The following MANEA variants were observed in gnomAD, a reference collection of about 807,000 sequenced individuals.
MANEA encodes the protein mannosidase endo-alpha.
In MANEA, 25 loss-of-function variants were observed where a neutral mutation model predicts 36.8. The observed-to-expected ratio is 0.68, with a 90% CI of 0.50 to 0.95. MANEA has a LOEUF of 0.95. MANEA is among the 40% of genes least tolerant of loss of function. MANEA has a pLI of 0.00. For missense variants in MANEA, 565 were observed against 558.8 expected (o/e 1.01, Z -0.11); for synonymous variants, 198 against 188.5 (o/e 1.05, Z -0.41).
rs916648845 is a variant in MANEA at position 95,608,016 on chromosome 6, T to G, written c.*1611T>G. On this transcript the variant is annotated 3_prime_UTR_variant, in exon 5 of 5. Transcript: ENST00000358812. Reference sequence around the variant, plus strand: ...TATTAATGTTTAATTTATTTAAAATTTTGGAATTTGCCATTTCTCAGAGAA... The same window carrying G: ...TATTAATGTTTAATTTATTTAAAATGTTGGAATTTGCCATTTCTCAGAGAA... 2.6e-5 allele frequency: 4 copies of G among 151,804 alleles called. No homozygotes were observed. The highest frequency in any genetic ancestry group is 5.9e-5 in the Non-Finnish European group (4 of 67,800). The allele number at this position is 151,804 out of a possible 1,614,324, so 9.4% of individuals were successfully genotyped here. A position where few individuals can be genotyped will look rare whatever the true frequency, so the allele number is the denominator to read the frequency against.
chr6:95,591,391 C>T (rs1769382897), intron 2 of MANEA, among the ~76,000 whole-genome samples: 2 of 151,822 alleles, frequency 1.3e-5, no homozygotes, highest in Admixed American at 1.3e-4. Flanking sequence ...AAATGTATTC[C>T]ATTTCTTTTT....
intron 1 of MANEA, among the ~76,000 whole-genome samples, chr6:95,579,062 G>A (rs1183119092): frequency 6.6e-6 from 1 of 152,094 alleles, no homozygotes; most frequent in African/African-American, 2.4e-5. Flanking sequence ...TTCATCATTT[G>A]TAAAATGAGG....
At chr6:95,592,506 T>C (rs1769402746) in intron 2 of MANEA, among the ~76,000 whole-genome samples, 2 of 152,170 alleles carry the variant, frequency 1.3e-5, no homozygotes, top group South Asian at 4.1e-4. Context: ...TCACCCTGGG[T>C]AAGATAGTGA....
intron 3 of MANEA, among the ~76,000 whole-genome samples, chr6:95,603,810 C>T (rs1235232018): frequency 6.6e-6 from 1 of 151,816 alleles, no homozygotes; most frequent in Non-Finnish European, 1.5e-5. Flanking sequence ...AATCCTCATT[C>T]TTTGTTTTAT....
chr6:95,580,355 G>T (rs1174622326), intron 1 of MANEA, among the ~76,000 whole-genome samples: 1 of 152,106 alleles, frequency 6.6e-6, no homozygotes. Flanking sequence ...TGAAGATAAA[G>T]ACTCCATTTC....
chr6:95,602,391 AT>A (rs1231944766), intron 3 of MANEA, among the ~76,000 whole-genome samples: 2 of 152,164 alleles, frequency 1.3e-5, no homozygotes, highest in African/African-American at 4.8e-5. Flanking sequence ...ACCTACCTCA[AT>A]TTTGTTGTGG....
Position 95,586,559 on chromosome 6 carries a change from T to C in MANEA, c.120T>C (p.Phe40=). 1 of 1,614,074 alleles carries C rather than the reference T, an allele frequency of 6.2e-7. No homozygotes were observed. Among genetic ancestry groups the C allele is most frequent in the Non-Finnish European group, 8.5e-7 (1 of 1,179,988 alleles). ...RPNTATFGAP[F]GLDLLPELHQ... is the part of the protein sequence containing the mutation. Reference sequence around the variant, plus strand: ...ATACAGCTACTTTTGGAGCTCCTTTTGGACTTGACCTTCTTCCAGAACTTC... The same window carrying C: ...ATACAGCTACTTTTGGAGCTCCTTTCGGACTTGACCTTCTTCCAGAACTTC... The change falls in exon 2 of 5, where the codon TTT becomes TTC. Residue 40 remains phenylalanine (F), a synonymous_variant. Coordinates refer to ENST00000358812, the MANE Select transcript of MANEA (RefSeq NM_024641.4).
chr6:95,598,728 C>T (rs1309040655), intron 3 of MANEA, among the ~76,000 whole-genome samples: 5 of 151,972 alleles, frequency 3.3e-5, no homozygotes, highest in Non-Finnish European at 4.4e-5. Context: ...GAATGGCAAC[C>T]ACAGAAAACT....
At chr6:95,582,015 ATAG>A (rs1467829740) in intron 1 of MANEA, among the ~76,000 whole-genome samples, 2 of 152,114 alleles carry the variant, frequency 1.3e-5, no homozygotes, top group East Asian at 1.9e-4. Context: ...ATTATATATC[ATAG>A]TAGTTGATAT....
At chr6:95,601,350 A>T (rs1385896397) in intron 3 of MANEA, among the ~76,000 whole-genome samples, 1 of 152,226 alleles carries the variant, frequency 6.6e-6, no homozygotes, top group East Asian at 1.9e-4. Context: ...CTTCCCCTGC[A>T]TGCAAAGAGT....
rs141133730 is a variant in MANEA at position 95,586,686 on chromosome 6, A to G, written c.247A>G (p.Met83Val). Reference sequence around the variant, plus strand: ...GAATTTAAAAAGTGTTGAAATCACTATGAAACCTTCCAAAGCCTCTGAACT... The same window carrying G: ...GAATTTAAAAAGTGTTGAAATCACTGTGAAACCTTCCAAAGCCTCTGAACT... ...TKNLKSVEIT[M>V]KPSKASELNL... Residue 83 changes from methionine (M) to valine (V), a missense_variant, in exon 2 of 5, where the codon ATG becomes GTG. Met to Val is a conservative substitution (Grantham distance 21, BLOSUM62 1). Transcript: ENST00000358812. The G allele has an allele frequency of 3.4e-5, 55 of 1,614,050 alleles. No homozygotes were observed. The highest frequency in any genetic ancestry group is 2.3e-4 in the Admixed American group (14 of 60,026).
chr6:95,587,396 C>T (rs779157092), intron 2 of MANEA: 4 of 179,586 alleles, frequency 2.2e-5, no homozygotes, highest in Non-Finnish European at 5.1e-5. Flanking sequence ...CATCATAATT[C>T]CTTTATTCAG....
intron 1 of MANEA, among the ~76,000 whole-genome samples, chr6:95,585,079 TAA>T (rs1304317765): frequency 6.6e-6 from 1 of 152,156 alleles, no homozygotes; most frequent in East Asian, 1.9e-4. Flanking sequence ...AATCTGTATA[TAA>T]AAAGACTTGA....
chr6:95,579,173 A>T (rs1230263428), intron 1 of MANEA, among the ~76,000 whole-genome samples: 1 of 152,178 alleles, frequency 6.6e-6, no homozygotes, highest in African/African-American at 2.4e-5. Context: ...GATCGAGACC[A>T]TCCTGGCCAA....
At chr6:95,601,123 A>G (rs1013042554) in intron 3 of MANEA, among the ~76,000 whole-genome samples, 3 of 152,184 alleles carry the variant, frequency 2.0e-5, no homozygotes, top group African/African-American at 7.2e-5. Context: ...CTGTTCTTTT[A>G]AAGTATACTT....
chr6:95,604,054 GTA>G (rs1333327400), intron 3 of MANEA, among the ~76,000 whole-genome samples: 1 of 137,178 alleles, frequency 7.3e-6, no homozygotes, highest in Non-Finnish European at 1.5e-5. Context: ...GCGTATATAT[GTA>G]TGTAGGTGTG....
chr6:95,585,245 A>T (rs1271180660), intron 1 of MANEA, among the ~76,000 whole-genome samples: 1 of 152,214 alleles, frequency 6.6e-6, no homozygotes, highest in Admixed American at 6.5e-5. Context: ...AAACACATAT[A>T]ATACCCTTTC....
At chr6:95,599,011 A>G (rs186089679) in intron 3 of MANEA, among the ~76,000 whole-genome samples, 38 of 152,300 alleles carry the variant, frequency 2.5e-4, no homozygotes, top group Admixed American at 1.3e-3. Context: ...AGAAATAGCA[A>G]CAAAACCTTC....
intron 1 of MANEA, among the ~76,000 whole-genome samples, chr6:95,578,392 C>G (rs1052469103): frequency 3.3e-5 from 5 of 151,796 alleles, no homozygotes; most frequent in Non-Finnish European, 2.9e-5. Flanking sequence ...AAAACAACAA[C>G]AAGGGGGGGA....
Sources: allele counts gnomAD v4.1 joint callset (sites outside exome capture counted in the v4.1 genomes callset), GRCh38; gene constraint gnomAD v4.1.1; transcripts MANE v1.5; gene names NCBI Gene and HGNC (gene_info 2026-07-23, HGNC 2026-07-21).